SYN2: variants seen among roughly 807,000 people sequenced by gnomAD.
SYN2 encodes synapsin II.
SYN2 carries 19 observed loss-of-function variants against 50.9 expected under a neutral mutation model. The observed-to-expected ratio is 0.37, with a 90% CI of 0.26 to 0.55. SYN2 has a LOEUF of 0.55. Ranked by LOEUF, SYN2 falls within the 20% of genes least tolerant of loss-of-function variation. SYN2 has a pLI of 0.81. For missense variants in SYN2, 587 were observed against 576.4 expected (o/e 1.02, Z -0.19); for synonymous variants, 255 against 224.9 (o/e 1.13, Z -1.20).
intron 1 of SYN2, among the ~76,000 whole-genome samples, chr3:12,068,121 A>G (rs1025019534): frequency 4.6e-5 from 7 of 152,228 alleles, no homozygotes; most frequent in Non-Finnish European, 8.8e-5. Context: ...AGTGTATTTG[A>G]TATATATCTA....
chr3:12,123,268 A>G (rs1696600488), intron 1 of SYN2, among the ~76,000 whole-genome samples: 1 of 152,234 alleles, frequency 6.6e-6, no homozygotes, highest in Non-Finnish European at 1.5e-5. Flanking sequence ...AAATAAAGCC[A>G]GATCTAGACA....
chr3:12,161,617 G>C lies in SYN2; in HGVS notation c.837+9G>C. 1 of 1,614,014 alleles carries C rather than the reference G, an allele frequency of 6.2e-7. No individual in the cohort carries two copies. The highest frequency in any genetic ancestry group is 8.5e-7 in the Non-Finnish European group (1 of 1,179,894). ...ACTCAGGCATGGGCAAGGTGAGGCA[G>C]AGAGGCCTGCTGTGCTTCAGGGTTG... is the stretch of plus-strand genomic sequence containing the variant. On this transcript the variant is annotated intron_variant, in intron 6 of 12. Coordinates refer to ENST00000621198, the MANE Select transcript of SYN2 (RefSeq NM_133625.6).
intron 5 of SYN2, 127 bp downstream of exon 5, chr3:12,151,453 A>G (rs749899546): frequency 1.0e-5 from 7 of 700,230 alleles, no homozygotes; most frequent in Admixed American, 4.8e-5. Flanking sequence ...GGGTTGAACT[A>G]TAGAGCTTAT....
intron 5 of SYN2, chr3:12,154,233 A>T (rs1697386792): frequency 6.4e-7 from 1 of 1,555,876 alleles, no homozygotes; most frequent in African/African-American, 1.4e-5. Context: ...GCAGATCTCA[A>T]GTATAGTCTA....
intron 1 of SYN2, among the ~76,000 whole-genome samples, chr3:12,064,615 T>G (rs1695172820): frequency 1.3e-5 from 2 of 152,034 alleles, no homozygotes. Context: ...AGGTCAATAG[T>G]GCATGAAAAG....
intron 1 of SYN2, among the ~76,000 whole-genome samples, chr3:12,051,917 CT>C (rs1342848191): frequency 7.2e-5 from 11 of 152,208 alleles, no homozygotes; most frequent in African/African-American, 2.4e-4. Flanking sequence ...AGAAATCTTA[CT>C]AAATTCACCG....
intron 1 of SYN2, among the ~76,000 whole-genome samples, chr3:12,100,434 A>G (rs1696046761): frequency 6.6e-6 from 1 of 152,224 alleles, no homozygotes; most frequent in Non-Finnish European, 1.5e-5. Context: ...ATTCACATGC[A>G]AAAGAATGAG....
At chr3:12,190,282 TTTCTA>T (rs1456078472) in intron 12 of SYN2, among the ~76,000 whole-genome samples, 1 of 152,186 alleles carries the variant, frequency 6.6e-6, no homozygotes, top group African/African-American at 2.4e-5. Context: ...GTCCCCACCC[TTTCTA>T]TTCTAGTAGC....
At chr3:12,073,043 TAGAA>T (rs1193578128) in intron 1 of SYN2, among the ~76,000 whole-genome samples, 1 of 152,208 alleles carries the variant, frequency 6.6e-6, no homozygotes, top group Admixed American at 6.5e-5. Flanking sequence ...TTAAACAACT[TAGAA>T]AGCTCTCTCT....
chr3:12,057,928 C>T (rs149912872), intron 1 of SYN2, among the ~76,000 whole-genome samples: 3 of 152,228 alleles, frequency 2.0e-5, no homozygotes, highest in Non-Finnish European at 2.9e-5. Flanking sequence ...AGTATTTCAT[C>T]GTGTGGTCCT....
chr3:12,170,216 G>C (rs1287873258), intron 10 of SYN2, among the ~76,000 whole-genome samples: 1 of 152,180 alleles, frequency 6.6e-6, no homozygotes, highest in African/African-American at 2.4e-5. Flanking sequence ...GACTCAGGAT[G>C]CTCCCATTTT....
At chr3:12,074,380 T>C (rs1319275805) in intron 1 of SYN2, among the ~76,000 whole-genome samples, 1 of 152,210 alleles carries the variant, frequency 6.6e-6, no homozygotes, top group Non-Finnish European at 1.5e-5. Context: ...TTACTGTTTA[T>C]CGTTGTCTTT....
intron 1 of SYN2, among the ~76,000 whole-genome samples, chr3:12,136,039 G>C (rs1263196943): frequency 6.6e-6 from 1 of 152,186 alleles, no homozygotes; most frequent in Non-Finnish European, 1.5e-5. Context: ...AGGCGTAGGT[G>C]GGGGAGCAGT....
intron 1 of SYN2, among the ~76,000 whole-genome samples, chr3:12,023,013 C>G (rs984314692): frequency 2.0e-5 from 3 of 152,116 alleles, no homozygotes; most frequent in Non-Finnish European, 2.9e-5. Context: ...AGGAAGTTGT[C>G]AGAAATAACA....
chr3:12,091,857 A>G (rs575165792), intron 1 of SYN2, among the ~76,000 whole-genome samples: 2 of 152,252 alleles, frequency 1.3e-5, no homozygotes, highest in South Asian at 4.1e-4. Flanking sequence ...TTCTATAAAG[A>G]CTTACTTGGA....
chr3:12,070,078 G>T, intron 1 of SYN2: 1 of 260,536 alleles, frequency 3.8e-6, no homozygotes. Context: ...GAGATGATAG[G>T]CATAAGCCAC....
At chr3:12,128,780 GT>G (rs565641343) in intron 1 of SYN2, among the ~76,000 whole-genome samples, 2 of 151,942 alleles carry the variant, frequency 1.3e-5, no homozygotes, top group East Asian at 1.9e-4. Flanking sequence ...ACGCAGGAAA[GT>G]TTTTTTTAAC....
At chr3:12,063,470 C>G (rs902682806) in intron 1 of SYN2, among the ~76,000 whole-genome samples, 1 of 151,908 alleles carries the variant, frequency 6.6e-6, no homozygotes, top group Non-Finnish European at 1.5e-5. Context: ...TACATGTATA[C>G]TGAAATTGAA....
intron 1 of SYN2, among the ~76,000 whole-genome samples, chr3:12,088,892 A>T (rs976106548): frequency 6.6e-6 from 1 of 152,172 alleles, no homozygotes; most frequent in East Asian, 1.9e-4. Flanking sequence ...AGGGGAAAGG[A>T]GAACTGTTAG....
Sources: allele counts gnomAD v4.1 joint callset (sites outside exome capture counted in the v4.1 genomes callset), GRCh38; gene constraint gnomAD v4.1.1; transcripts MANE v1.5; gene names NCBI Gene and HGNC (gene_info 2026-07-23, HGNC 2026-07-21).